The following MRPL34 variants were observed in gnomAD, a reference collection of about 807,000 sequenced individuals.
MRPL34 encodes the protein large ribosomal subunit protein bL34m.
Under a neutral mutation model 6.7 loss-of-function variants are expected in MRPL34, and 8 were observed. The observed-to-expected ratio is 1.20, with a 90% CI of 0.70 to 2.16. The LOEUF (loss-of-function observed/expected upper bound fraction) is 2.16, where lower values mean the gene tolerates loss of function less well. MRPL34 is among the 30% of genes most tolerant of loss of function. The pLI is 0.00. For missense variants in MRPL34, 146 were observed against 125.5 expected (o/e 1.16, Z -0.78); for synonymous variants, 59 against 55.1 (o/e 1.07, Z -0.31).
intron 1 of MRPL34, chr19:17,297,730 CTT>C (rs1430067565): frequency 2.1e-5 from 3 of 142,694 alleles, no homozygotes; most frequent in African/African-American, 7.7e-5. Flanking sequence ...TATGTAACTT[CTT>C]TGTTTTCTTT....
intron 1 of MRPL34, among the ~76,000 whole-genome samples, chr19:17,297,079 C>A (rs2074097023): frequency 6.6e-6 from 1 of 152,180 alleles, no homozygotes. Flanking sequence ...GCTATCCGAT[C>A]CTTTAAGGAA....
Position 17,306,440 on chromosome 19 carries a change from TG to T in MRPL34, c.*63del. ...CATCGCCCTCGCCTCGGACCTTGCC[TG>T]GCGCTATTTTTGCAGGGAGCTGGGG... is the stretch of plus-strand genomic sequence containing the variant. On this transcript the variant is annotated 3_prime_UTR_variant, in exon 2 of 2. Transcript: ENST00000252602. 1 of 1,436,374 alleles carries T rather than the reference TG, an allele frequency of 7.0e-7. No homozygotes were observed. The allele number at this position is 1,436,374 out of a possible 1,614,324, so 89.0% of individuals were successfully genotyped here. A position where few individuals can be genotyped will look rare whatever the true frequency, so the allele number is the denominator to read the frequency against.
At chr19:17,305,734 G>A (rs1266449129), upstream of MRPL34, 7 of 765,022 alleles carry the variant, frequency 9.2e-6, no homozygotes, top group Non-Finnish European at 1.4e-5. Flanking sequence ...GCGCGCCTCT[G>A]TTGCGCAGGC....
chr19:17,293,641 A>C (rs1425951288), intron 1 of MRPL34, among the ~76,000 whole-genome samples: 2 of 151,300 alleles, frequency 1.3e-5, no homozygotes, highest in Non-Finnish European at 2.9e-5. Context: ...TGGGGGCAGA[A>C]TCCTCCTTAG....
chr19:17,297,075 C>T (rs998128818), intron 1 of MRPL34, among the ~76,000 whole-genome samples: 3 of 152,178 alleles, frequency 2.0e-5, no homozygotes, highest in African/African-American at 7.2e-5. Context: ...ATTCGCTATC[C>T]GATCCTTTAA....
At chr19:17,299,357 C>G (rs1438781059), upstream of MRPL34, among the ~76,000 whole-genome samples, 1 of 151,406 alleles carries the variant, frequency 6.6e-6, no homozygotes, top group Non-Finnish European at 1.5e-5. Context: ...GTCAGGAGAT[C>G]GAGACCATCC....
At chr19:17,295,509 T>A (rs144849191) in intron 1 of MRPL34, among the ~76,000 whole-genome samples, 7,285 of 148,496 alleles carry the variant, frequency 0.049, 598 homozygotes, top group African/African-American at 0.17. Flanking sequence ...TGGGTTCAAC[T>A]GATTCTCCTT....
chr19:17,301,007 C>A, upstream of MRPL34: 1 of 1,613,514 alleles, frequency 6.2e-7, no homozygotes, highest in Non-Finnish European at 8.5e-7. Flanking sequence ...GCCACCACCT[C>A]ATAGCCTAGG....
At chr19:17,292,698 G>T in exon 1 of MRPL34, 1 of 1,612,562 alleles carries the variant, frequency 6.2e-7, no homozygotes, top group Non-Finnish European at 8.5e-7. Context: ...CAGTGGCTCC[G>T]GTAGAGCCTT....
At chr19:17,300,730 G>C, upstream of MRPL34, 1 of 1,227,444 alleles carries the variant, frequency 8.1e-7, no homozygotes, top group Non-Finnish European at 1.1e-6. Flanking sequence ...CGCCTGCCTC[G>C]GCCTCCCAAA....
chr19:17,295,129 C>T (rs1327448382), intron 1 of MRPL34, among the ~76,000 whole-genome samples: 2 of 119,386 alleles, frequency 1.7e-5, no homozygotes, highest in African/African-American at 6.7e-5. Flanking sequence ...GACGGAGTCT[C>T]GCTCTGTCGC....
At chr19:17,293,649 T>C (rs2074080650) in intron 1 of MRPL34, among the ~76,000 whole-genome samples, 1 of 151,718 alleles carries the variant, frequency 6.6e-6, no homozygotes, top group South Asian at 2.1e-4. Context: ...GAATCCTCCT[T>C]AGTTAAGAAC....
chr19:17,297,526 C>T (rs1332402901), intron 1 of MRPL34, among the ~76,000 whole-genome samples: 1 of 152,048 alleles, frequency 6.6e-6, no homozygotes, highest in Non-Finnish European at 1.5e-5. Flanking sequence ...GAACTCCTGA[C>T]CTTGTGATCC....
chr19:17,305,924 C>A lies in MRPL34; in HGVS notation c.32C>A (p.Pro11His). 6.2e-7 allele frequency: 1 copy of A among 1,614,118 alleles called. No homozygotes were observed. Among genetic ancestry groups the A allele is most frequent in the Non-Finnish European group, 8.5e-7 (1 of 1,180,012 alleles). The change falls in exon 1 of 2, where the codon CCC becomes CAC. Residue 11 changes from proline to histidine, a missense_variant. By Grantham distance (77) the Pro-to-His change is moderately conservative. Transcript: ENST00000252602. ...GTCTTGGCTGGATCCCTGTTGGGCC[C>A]CACGAGTAGGTCGGCAGCGTTGCTG... MAVLAGSLLG[P>H]TSRSAALLGG...
upstream of MRPL34, chr19:17,303,501 T>C (rs924308552): frequency 6.6e-6 from 1 of 152,290 alleles, no homozygotes; most frequent in African/African-American, 2.4e-5. Context: ...CGGACTGACC[T>C]GGCCTAGTTA....
chr19:17,298,326 A>G (rs901792825), upstream of MRPL34: 1 of 152,294 alleles, frequency 6.6e-6, no homozygotes, highest in African/African-American at 2.4e-5. Flanking sequence ...GAATGAGGCC[A>G]CTTGGTAGTG....
chr19:17,292,914 C>T, intron 1 of MRPL34: 4 of 1,437,458 alleles, frequency 2.8e-6, no homozygotes, highest in Non-Finnish European at 3.8e-6. Flanking sequence ...GCCATACACA[C>T]ATGGCCCACA....
chr19:17,301,557 G>A (rs11086066), upstream of MRPL34: 469,696 of 1,602,192 alleles, frequency 0.29, 70,527 homozygotes, highest in South Asian at 0.37. Flanking sequence ...GTGGCCCCAC[G>A]GCGTTGGGGG....
upstream of MRPL34, chr19:17,305,780 TC>T: frequency 9.5e-7 from 1 of 1,057,116 alleles, no homozygotes. Flanking sequence ...CCCAACGGCC[TC>T]TTTTTTGCAC....
Sources: gnomAD v4.1 joint callset for allele counts (sites outside exome capture counted in the v4.1 genomes callset) on GRCh38, gnomAD v4.1.1 for gene constraint, MANE v1.5 for transcripts, NCBI Gene and HGNC (gene_info 2026-07-23, HGNC 2026-07-21) for gene names.